FHDC1: variants seen among roughly 807,000 people sequenced by gnomAD.
The protein encoded by FHDC1 is FH2 domain-containing protein 1.
FHDC1 carries 25 observed loss-of-function variants against 52.6 expected under a neutral mutation model. The observed-to-expected ratio is 0.48, with a 90% confidence interval of 0.35 to 0.66. FHDC1 has a LOEUF of 0.66. FHDC1 is among the 30% of genes least tolerant of loss of function. FHDC1 has a pLI of 0.01. For missense variants in FHDC1, 1,459 were observed against 1,452.8 expected, an observed-to-expected ratio of 1.00 and a Z score of -0.07; for synonymous variants, 616 against 581.5, an observed-to-expected ratio of 1.06 and a Z score of -0.85.
At chr4:152,930,962 AAC>A in the FHDC1 span, among the ~76,000 whole-genome samples, 25,510 of 104,582 alleles carry the variant, frequency 0.24, 2,971 homozygotes, top group Middle Eastern at 0.34. Context: ...TCCCCAGGGA[AAC>A]ACACACACAC....
chr4:152,931,025 T>TCTCC, the FHDC1 span, among the ~76,000 whole-genome samples: 3 of 147,198 alleles, frequency 2.0e-5, no homozygotes, highest in African/African-American at 7.5e-5. Context: ...TCTCTCTCTC[T>TCTCC]AATATTGTTG....
chr4:152,925,338 G>C, the FHDC1 span, among the ~76,000 whole-genome samples: 1 of 152,092 alleles, frequency 6.6e-6, no homozygotes, highest in Admixed American at 6.5e-5. Flanking sequence ...AGGTTCATAA[G>C]ACCTTTTTTT....
At position 152,979,007 on chromosome 4, in the gene FHDC1, A is replaced by C. The variant is rs1230848937; in HGVS notation, c.*2284A>C. On this transcript the variant is annotated 3_prime_UTR_variant, in exon 12 of 12. Transcript: ENST00000511601. ...AAGAAGCCTAAGAAGTTATATATTT[A>C]ATCAGGTAGACAAAACAGTTCAAAG... 4 of 152,190 alleles carry C rather than the reference A, an allele frequency of 2.6e-5. No individual in the cohort carries two copies. Among genetic ancestry groups the C allele is most frequent in the African/African-American group, 7.2e-5 (3 of 41,452 alleles). 9.4% of individuals were successfully genotyped at this position (152,190 alleles called of 1,614,324 possible).
At chr4:152,968,515 G>A (rs1740535508) in intron 10 of FHDC1, among the ~76,000 whole-genome samples, 1 of 152,066 alleles carries the variant, frequency 6.6e-6, no homozygotes, top group Non-Finnish European at 1.5e-5. Context: ...TTTCAGTAGA[G>A]ACGCGGTTTT....
At chr4:152,930,635 A>G in the FHDC1 span, among the ~76,000 whole-genome samples, 9 of 152,224 alleles carry the variant, frequency 5.9e-5, no homozygotes, top group Admixed American at 5.9e-4. Context: ...CTTGAATAAT[A>G]GTATTTCCGA....
intron 2 of FHDC1, among the ~76,000 whole-genome samples, chr4:152,945,427 A>C (rs1357615609): frequency 6.6e-6 from 1 of 152,202 alleles, no homozygotes; most frequent in Non-Finnish European, 1.5e-5. Flanking sequence ...GTGAAATAAC[A>C]TATAAAATTT....
At chr4:152,938,069 A>T (rs1180777726) in intron 1 of FHDC1, among the ~76,000 whole-genome samples, 1 of 152,178 alleles carries the variant, frequency 6.6e-6, no homozygotes. Context: ...CCGTGTGGAC[A>T]GAAACGACCT....
intron 11 of FHDC1, 31 bp from the exon 12 acceptor site, chr4:152,974,644 A>G (rs1319608598): frequency 6.7e-6 from 10 of 1,503,334 alleles, no homozygotes; most frequent in Non-Finnish European, 8.9e-6. Flanking sequence ...CACATGTCTC[A>G]TGCATCTTCG....
rs367965078 is a variant in FHDC1, at chr4:152,943,456, C to G, written c.399C>G (p.Thr133=). ...ATCACTACCAAATTGATACAAAGAC[C>G]ATTGAGGAGCTCTTTGGGCAGCAGG... ...QEHHYQIDTK[T]IEELFGQQED... The change falls in exon 2 of 12, where the codon ACC becomes ACG. Residue 133 remains threonine, a synonymous_variant. Transcript: ENST00000511601. The G allele has an allele frequency of 1.9e-6, 3 of 1,613,974 alleles. No individual in the cohort carries two copies. Among genetic ancestry groups the G allele is most frequent in the African/African-American group, 1.3e-5 (1 of 74,870 alleles).
In FHDC1 at chr4:152,976,065, G is replaced by A. The variant is rs1478799282; in HGVS notation, c.2774G>A (p.Arg925Gln). 4 of 1,598,282 alleles carry A rather than the reference G, an allele frequency of 2.5e-6. No individual in the cohort carries two copies. The highest frequency in any genetic ancestry group is 1.3e-5 in the African/African-American group (1 of 74,478). ...TGGAGGCGACCAGAGCTGTCATCCC[G>A]GGGGCCCTCCCAGAATCCCCCCAGC... The part of the protein sequence containing the change: ...AGWRRPELSS[R>Q]GPSQNPPSST... Residue 925 changes from arginine to glutamine, a missense_variant, in exon 12 of 12, where the codon CGG (arginine) becomes CAG (glutamine). By Grantham distance (43) the Arg-to-Gln change is conservative. Around this residue, in one of 3 missense-constraint regions of FHDC1, gnomAD observed 939 missense variants for 854.5 expected, o/e 1.10. Coordinates refer to ENST00000511601, the MANE Select transcript of FHDC1 (RefSeq NM_001371116.1).
At chr4:152,965,293 T>C (rs1281520234) in intron 9 of FHDC1, among the ~76,000 whole-genome samples, 2 of 152,256 alleles carry the variant, frequency 1.3e-5, no homozygotes, top group African/African-American at 4.8e-5. Context: ...ACCTATTTCC[T>C]TGGGAGTTGG....
At position 152,938,409 on chromosome 4, in the gene FHDC1, G is replaced by A. The variant is rs539069668; in HGVS notation, c.-131+2000G>A. ...GACGGAACTCACAGAAGAGCTGGAC[G>A]GTCCGGCTCTGGCCCGACTGCGTAA... is the stretch of plus-strand genomic sequence containing the variant. On this transcript the variant is annotated intron_variant, in intron 1 of 11. Transcript: ENST00000511601. Among the ~76,000 whole-genome samples the A allele has an allele frequency of 3.0e-4, 45 of 152,206 alleles. No homozygotes were observed. The East Asian group carries it at 8.1e-3, about 27-fold the overall frequency.
At chr4:152,956,876 C>T (rs1740101130) in intron 4 of FHDC1, among the ~76,000 whole-genome samples, 1 of 152,200 alleles carries the variant, frequency 6.6e-6, no homozygotes, top group African/African-American at 2.4e-5. Flanking sequence ...TTTCCTTCAG[C>T]AGGAACACCC....
the FHDC1 span, among the ~76,000 whole-genome samples, chr4:152,912,791 C>A: frequency 6.6e-6 from 1 of 152,144 alleles, no homozygotes; most frequent in South Asian, 2.1e-4. Context: ...AAATAATGCA[C>A]TGAGGAACTG....
At chr4:152,972,028 A>C (rs1158363696) in intron 10 of FHDC1, among the ~76,000 whole-genome samples, 1 of 152,240 alleles carries the variant, frequency 6.6e-6, no homozygotes, top group East Asian at 1.9e-4. Context: ...GAACAGATGC[A>C]AAATGGATCT....
rs971470575 is a variant in FHDC1 at position 152,945,069 on chromosome 4, G to A, written c.498+1514G>A. On this transcript the variant is annotated intron_variant, in intron 2 of 11. Coordinates refer to ENST00000511601, the MANE Select transcript of FHDC1 (RefSeq NM_001371116.1). Reference sequence around the variant, plus strand: ...TGTAATAGAAGAGGGCTAGCTCACCGTGTCCCGGGGAGGCAGCTGTCAGGC... The same window carrying A: ...TGTAATAGAAGAGGGCTAGCTCACCATGTCCCGGGGAGGCAGCTGTCAGGC... Among the ~76,000 whole-genome samples, 12 of 152,330 alleles carry A rather than the reference G, an allele frequency of 7.9e-5. No individual in the cohort carries two copies. In the East Asian group the frequency reaches 1.5e-3, roughly 20 times the overall value.
At chr4:152,919,343 G>A in the FHDC1 span, among the ~76,000 whole-genome samples, 2 of 152,226 alleles carry the variant, frequency 1.3e-5, no homozygotes, top group East Asian at 3.9e-4. Context: ...AGGGATCAGT[G>A]TGGAGAATAT....
rs117845524 is a variant in FHDC1, at chr4:152,939,510, G to A, written c.-131+3101G>A. ...GCTGTTTAGGCAGGAGAGCTTAGGA[G>A]GGGGCCAGGGGCAGCTTTGAAGACC... is the stretch of plus-strand genomic sequence containing the variant. On this transcript the variant is annotated intron_variant, in intron 1 of 11. Coordinates refer to ENST00000511601, the MANE Select transcript of FHDC1 (RefSeq NM_001371116.1). Among the ~76,000 whole-genome samples, 72 of 152,292 alleles carry A rather than the reference G, an allele frequency of 4.7e-4. 1 individual carries two copies. The East Asian group carries it at 0.014, about 29-fold the overall frequency.
chr4:152,967,965 CCTTT>C lies in FHDC1; in HGVS notation c.1101-11_1101-8del. 6.2e-7 allele frequency: 1 copy of C among 1,601,782 alleles called. No individual in the cohort carries two copies. Among genetic ancestry groups the C allele is most frequent in the Non-Finnish European group, 8.5e-7 (1 of 1,170,986 alleles). ...TCCTTGTTCCAACTGCCCACTCTCCCCTTTCTTCTTTTAGATTATCTCTGGAGAA... is the reference window on the plus strand; with the variant it reads ...TCCTTGTTCCAACTGCCCACTCTCCCCTTCTTTTAGATTATCTCTGGAGAA... On this transcript the variant is annotated splice_polypyrimidine_tract_variant and intron_variant, in intron 9 of 11. Coordinates refer to ENST00000511601, the MANE Select transcript of FHDC1 (RefSeq NM_001371116.1).
Sources: gnomAD v4.1 joint callset for allele counts (sites outside exome capture counted in the v4.1 genomes callset) on GRCh38, gnomAD v4.1.1 for gene constraint, gnomAD v4.1.1 regional missense constraint, MANE v1.5 for transcripts, NCBI Gene and HGNC (gene_info 2026-07-23, HGNC 2026-07-21) for gene names.